Variants in CCSER1 observed in about 807,000 individuals in gnomAD.
CCSER1 encodes the protein serine-rich coiled-coil domain-containing protein 1.
In CCSER1, 41 loss-of-function variants were observed where a neutral mutation model predicts 82.0. The observed-to-expected ratio is 0.50, with a 90% CI of 0.39 to 0.65. The LOEUF (loss-of-function observed/expected upper bound fraction) is 0.65. CCSER1 is among the 30% of genes least tolerant of loss of function. The pLI is 0.00. For missense variants in CCSER1, 1,119 were observed against 1,064.2 expected (o/e 1.05, Z -0.72); for synonymous variants, 414 against 383.9 (o/e 1.08, Z -0.92).
intron 9 of CCSER1, among the ~76,000 whole-genome samples, chr4:90,994,128 G>A (rs1444155253): frequency 1.3e-5 from 2 of 151,894 alleles, no homozygotes; most frequent in Non-Finnish European, 1.5e-5. Flanking sequence ...GAACCCAGGA[G>A]TTCGAGGCTG....
At chr4:91,211,253 C>T (rs985320030) in intron 10 of CCSER1, among the ~76,000 whole-genome samples, 15 of 151,906 alleles carry the variant, frequency 9.9e-5, no homozygotes, top group Admixed American at 3.3e-4. Context: ...AGGGATATAA[C>T]GGAGCAAGTG....
At chr4:91,552,751 C>CT (rs952096767) in intron 10 of CCSER1, among the ~76,000 whole-genome samples, 3 of 151,320 alleles carry the variant, frequency 2.0e-5, no homozygotes, top group East Asian at 3.9e-4. Flanking sequence ...TACTGAATTT[C>CT]TTTTTTAATT....
intron 7 of CCSER1, among the ~76,000 whole-genome samples, chr4:90,733,107 G>A (rs929359500): frequency 2.0e-5 from 3 of 152,116 alleles, no homozygotes; most frequent in Non-Finnish European, 4.4e-5. Context: ...GAACCTCCAA[G>A]TTGTACTGCA....
chr4:91,479,514 A>G (rs1757774390), intron 10 of CCSER1, among the ~76,000 whole-genome samples: 2 of 151,688 alleles, frequency 1.3e-5, no homozygotes, highest in Non-Finnish European at 2.9e-5. Context: ...AATAATTACA[A>G]TAAAATAATG....
intron 9 of CCSER1, among the ~76,000 whole-genome samples, chr4:91,008,830 C>T (rs1738746382): frequency 6.6e-6 from 1 of 152,276 alleles, no homozygotes; most frequent in Non-Finnish European, 1.5e-5. Context: ...TGGCAAGCCT[C>T]GTGTTCTCTG....
intron 8 of CCSER1, among the ~76,000 whole-genome samples, chr4:90,864,970 C>T (rs992628680): frequency 6.6e-6 from 1 of 151,972 alleles, no homozygotes; most frequent in Non-Finnish European, 1.5e-5. Context: ...TATTAAATAT[C>T]AAGAGATAAC....
At chr4:90,149,901 T>A (rs1031704514) in intron 1 of CCSER1, among the ~76,000 whole-genome samples, 2 of 151,948 alleles carry the variant, frequency 1.3e-5, no homozygotes, top group African/African-American at 4.8e-5. Flanking sequence ...TGGAGTAAAA[T>A]AATAAGAAAC....
At chr4:90,478,167 G>A (rs139415431) in intron 5 of CCSER1, among the ~76,000 whole-genome samples, 1 of 152,220 alleles carries the variant, frequency 6.6e-6, no homozygotes, top group African/African-American at 2.4e-5. Context: ...TGTTTTATAG[G>A]GGTATCTAAA....
At chr4:91,351,676 A>C (rs1748480337) in intron 10 of CCSER1, among the ~76,000 whole-genome samples, 1 of 152,148 alleles carries the variant, frequency 6.6e-6, no homozygotes, top group Admixed American at 6.6e-5. Flanking sequence ...TATTTAAAAC[A>C]GTTTTTCAGA....
intron 3 of CCSER1, among the ~76,000 whole-genome samples, chr4:90,324,250 C>T (rs1485240041): frequency 6.6e-6 from 1 of 152,186 alleles, no homozygotes; most frequent in African/African-American, 2.4e-5. Context: ...GCCACACTGA[C>T]TTCCACAATG....
intron 7 of CCSER1, among the ~76,000 whole-genome samples, chr4:90,802,891 T>C (rs1757012876): frequency 7.5e-6 from 1 of 133,106 alleles, no homozygotes; most frequent in Non-Finnish European, 1.6e-5. Context: ...ATTCCTTTTT[T>C]CTTTCTTCTT....
At chr4:90,705,651 C>T (rs1739186819) in intron 6 of CCSER1, among the ~76,000 whole-genome samples, 1 of 152,184 alleles carries the variant, frequency 6.6e-6, no homozygotes, top group Non-Finnish European at 1.5e-5. Context: ...GCTTTGTTTA[C>T]CTACTCAAGC....
At chr4:91,260,505 A>T (rs1741026188) in intron 10 of CCSER1, among the ~76,000 whole-genome samples, 1 of 152,174 alleles carries the variant, frequency 6.6e-6, no homozygotes, top group African/African-American at 2.4e-5. Context: ...CAAACCATAG[A>T]CAGATTAGCT....
intron 1 of CCSER1, among the ~76,000 whole-genome samples, chr4:90,173,348 A>T (rs1331561341): frequency 6.6e-6 from 1 of 151,612 alleles, no homozygotes; most frequent in Non-Finnish European, 1.5e-5. Flanking sequence ...TCAAAAAAAA[A>T]ATGATTCTTC....
chr4:90,821,541 T>G (rs1759721458), intron 8 of CCSER1, among the ~76,000 whole-genome samples: 1 of 152,168 alleles, frequency 6.6e-6, no homozygotes, highest in African/African-American at 2.4e-5. Flanking sequence ...TACATCACTC[T>G]TATCCAACAG....
At chr4:90,767,508 G>A (rs1751425570) in intron 7 of CCSER1, among the ~76,000 whole-genome samples, 1 of 152,090 alleles carries the variant, frequency 6.6e-6, no homozygotes, top group Non-Finnish European at 1.5e-5. Flanking sequence ...CTCTGGCCTT[G>A]TGAACTTAAA....
At chr4:91,241,695 T>C (rs905931221) in intron 10 of CCSER1, among the ~76,000 whole-genome samples, 7 of 152,176 alleles carry the variant, frequency 4.6e-5, no homozygotes, top group Non-Finnish European at 5.9e-5. Flanking sequence ...TTCATATCCA[T>C]TTAATATCCA....
chr4:90,195,460 G>A (rs1169237255), intron 1 of CCSER1, among the ~76,000 whole-genome samples: 1 of 152,044 alleles, frequency 6.6e-6, no homozygotes, highest in Non-Finnish European at 1.5e-5. Flanking sequence ...AGGGAGGAAG[G>A]GCTGAATGGG....
At chr4:90,599,369 C>T (rs545697575) in intron 5 of CCSER1, among the ~76,000 whole-genome samples, 1 of 152,198 alleles carries the variant, frequency 6.6e-6, no homozygotes, top group Admixed American at 6.6e-5. Context: ...ATTTTTCTCT[C>T]TCCTCTCGCC....
Sources: allele counts gnomAD v4.1 joint callset (sites outside exome capture counted in the v4.1 genomes callset), GRCh38; gene constraint gnomAD v4.1.1; transcripts MANE v1.5; gene names NCBI Gene and HGNC (gene_info 2026-07-23, HGNC 2026-07-21).